Variants in NRXN3 observed in about 807,000 individuals in gnomAD.
NRXN3 encodes neurexin 3, also known as neurexin III.
In NRXN3, 32 loss-of-function variants were observed where a neutral mutation model predicts 137.6. The observed-to-expected ratio is 0.23, with a 90% CI of 0.18 to 0.31. NRXN3 has a LOEUF of 0.31. Among genes scored for constraint, NRXN3 ranks in the 10% least tolerant of loss-of-function variants. NRXN3 has a pLI of 1.00. For synonymous variants in NRXN3, 798 were observed against 784.5 expected (o/e 1.02, Z -0.29); for missense variants, 1,574 against 2,062.5 (o/e 0.76, Z 4.59).
At chr14:78,649,837 T>G (rs61976143) in intron 5 of NRXN3, among the ~76,000 whole-genome samples, 8,275 of 152,186 alleles carry the variant, frequency 0.054, 269 homozygotes, top group Middle Eastern at 0.14. Context: ...TTCTTACCCT[T>G]CTTTTACTTT....
At chr14:79,299,490 G>A (rs1216915078) in intron 15 of NRXN3, among the ~76,000 whole-genome samples, 1 of 152,118 alleles carries the variant, frequency 6.6e-6, no homozygotes, top group African/African-American at 2.4e-5. Context: ...ACAAATGAGT[G>A]TGAGTATATC....
chr14:78,350,354 A>G (rs177270), intron 4 of NRXN3, among the ~76,000 whole-genome samples: 149,989 of 151,774 alleles, frequency 0.99, 74,137 homozygotes, highest in East Asian at 1. Flanking sequence ...CCTGAATGCA[A>G]GCTAGGATGA....
chr14:79,111,065 C>T (rs1253246632), intron 15 of NRXN3, among the ~76,000 whole-genome samples: 1 of 152,040 alleles, frequency 6.6e-6, no homozygotes, highest in Non-Finnish European at 1.5e-5. Context: ...GCTGGGAGTA[C>T]AGGCGTGAGC....
At chr14:79,115,995 A>C (rs1263404883) in intron 15 of NRXN3, among the ~76,000 whole-genome samples, 1 of 152,166 alleles carries the variant, frequency 6.6e-6, no homozygotes, top group African/African-American at 2.4e-5. Context: ...GACTAGAGAG[A>C]ATGAGGGATA....
At chr14:79,157,286 C>T (rs563185330) in intron 15 of NRXN3, among the ~76,000 whole-genome samples, 26 of 151,788 alleles carry the variant, frequency 1.7e-4, no homozygotes, top group South Asian at 4.1e-4. Flanking sequence ...ATTGAATCAA[C>T]ATCTCTATCA....
At chr14:78,415,389 T>A (rs2093075610) in intron 4 of NRXN3, among the ~76,000 whole-genome samples, 1 of 152,204 alleles carries the variant, frequency 6.6e-6, no homozygotes, top group South Asian at 2.1e-4. Context: ...TTTGGCAGCT[T>A]AAACAATAAC....
intron 10 of NRXN3, among the ~76,000 whole-genome samples, chr14:78,886,956 G>C (rs1219650931): frequency 1.3e-5 from 2 of 152,108 alleles, no homozygotes; most frequent in Non-Finnish European, 2.9e-5. Flanking sequence ...TAGTGGTGGA[G>C]GATGTCTAAC....
At chr14:79,545,223 A>T (rs999671150) in intron 16 of NRXN3, among the ~76,000 whole-genome samples, 1 of 152,188 alleles carries the variant, frequency 6.6e-6, no homozygotes, top group Non-Finnish European at 1.5e-5. Context: ...TGAAGGTTAG[A>T]AGTCCAATAC....
intron 4 of NRXN3, among the ~76,000 whole-genome samples, chr14:78,573,809 A>G (rs1005666492): frequency 1.3e-5 from 2 of 152,268 alleles, no homozygotes; most frequent in African/African-American, 4.8e-5. Context: ...AGTTCAAGTC[A>G]GCTGAAGAAA....
intron 15 of NRXN3, among the ~76,000 whole-genome samples, chr14:79,062,439 A>G (rs1342879713): frequency 6.6e-6 from 1 of 152,178 alleles, no homozygotes; most frequent in Non-Finnish European, 1.5e-5. Flanking sequence ...AATACAGCAC[A>G]ATGGCAAAGT....
At chr14:78,735,124 G>A (rs2098535669) in intron 8 of NRXN3, among the ~76,000 whole-genome samples, 2 of 152,140 alleles carry the variant, frequency 1.3e-5, no homozygotes, top group Non-Finnish European at 2.9e-5. Context: ...GGAAGTCGGT[G>A]AATTTGAGAT....
chr14:78,227,495 A>G (rs2064828822), intron 1 of NRXN3, among the ~76,000 whole-genome samples: 1 of 152,184 alleles, frequency 6.6e-6, no homozygotes, highest in African/African-American at 2.4e-5. Flanking sequence ...CATGTTACAT[A>G]TGATGGTTTC....
At chr14:78,678,828 A>G (rs2098040144) in intron 6 of NRXN3, among the ~76,000 whole-genome samples, 1 of 152,150 alleles carries the variant, frequency 6.6e-6, no homozygotes, top group African/African-American at 2.4e-5. Context: ...CTATTCTACT[A>G]AGCCCCAGTG....
intron 10 of NRXN3, among the ~76,000 whole-genome samples, chr14:78,880,027 C>G (rs1178027983): frequency 1.4e-5 from 2 of 141,322 alleles, no homozygotes; most frequent in Non-Finnish European, 2.9e-5. Flanking sequence ...ATCACGAGGT[C>G]AGGAGATCGA....
intron 19 of NRXN3, among the ~76,000 whole-genome samples, chr14:79,756,642 CAG>C (rs1264781358): frequency 3.3e-5 from 5 of 152,158 alleles, no homozygotes; most frequent in African/African-American, 7.2e-5. Context: ...ATGCCAGTAA[CAG>C]GGAGTTTTCC....
intron 15 of NRXN3, among the ~76,000 whole-genome samples, chr14:79,437,943 T>TA (rs1363785610): frequency 6.6e-6 from 1 of 152,256 alleles, no homozygotes; most frequent in Non-Finnish European, 1.5e-5. Context: ...CTGTATCAGA[T>TA]AATATTGGTG....
chr14:78,627,553 G>A (rs1336613252), intron 4 of NRXN3, among the ~76,000 whole-genome samples: 1 of 152,202 alleles, frequency 6.6e-6, no homozygotes, highest in Non-Finnish European at 1.5e-5. Flanking sequence ...TCTGGATGAG[G>A]CACACATGCA....
intron 16 of NRXN3, among the ~76,000 whole-genome samples, chr14:79,507,414 G>C (rs574105500): frequency 6.6e-6 from 1 of 152,268 alleles, no homozygotes; most frequent in African/African-American, 2.4e-5. Flanking sequence ...TAAAATAAAA[G>C]GTAGCAAACA....
chr14:79,420,691 C>T (rs1372935155), intron 15 of NRXN3, among the ~76,000 whole-genome samples: 1 of 152,094 alleles, frequency 6.6e-6, no homozygotes, highest in African/African-American at 2.4e-5. Context: ...AATACAAAAC[C>T]TAGAGTCAAA....
Sources: gnomAD v4.1 joint callset for allele counts (sites outside exome capture counted in the v4.1 genomes callset) on GRCh38, gnomAD v4.1.1 for gene constraint, MANE v1.5 for transcripts, NCBI Gene and HGNC (gene_info 2026-07-23, HGNC 2026-07-21) for gene names.